GOT1: variants seen among roughly 807,000 people sequenced by gnomAD.
The protein encoded by GOT1 is glutamic-oxaloacetic transaminase 1.
In GOT1, 25 loss-of-function variants were observed where a neutral mutation model predicts 48.2. The ratio of observed to expected loss-of-function variants is 0.52; its 90% CI spans 0.38 to 0.72. The LOEUF (loss-of-function observed/expected upper bound fraction) is 0.72, where lower values mean the gene tolerates loss of function less well. Ranked by LOEUF, GOT1 falls within the 30% of genes least tolerant of loss-of-function variation. The pLI is 0.00. For synonymous variants in GOT1, 188 were observed against 193.8 expected (o/e 0.97, Z 0.25); for missense variants, 380 against 520.1 (o/e 0.73, Z 2.62).
chr10:99,423,437 A>G (rs1258698941), intron 1 of GOT1, among the ~76,000 whole-genome samples: 1 of 152,198 alleles, frequency 6.6e-6, no homozygotes, highest in Non-Finnish European at 1.5e-5. Context: ...CAGTAAAAAG[A>G]CTTTATAAGA....
intron 7 of GOT1, among the ~76,000 whole-genome samples, chr10:99,403,266 C>G (rs2032707152): frequency 6.6e-6 from 1 of 152,048 alleles, no homozygotes; most frequent in South Asian, 2.1e-4. Flanking sequence ...ATCGAGTGCC[C>G]CCTCCTGTCT....
At chr10:99,429,278 G>A (rs146174878) in intron 1 of GOT1, among the ~76,000 whole-genome samples, 2 of 151,522 alleles carry the variant, frequency 1.3e-5, no homozygotes, top group South Asian at 2.1e-4. Flanking sequence ...CTCATCTCCT[G>A]ACCTCGTGAT....
chr10:99,402,156 T>C (rs2032689118), intron 8 of GOT1, among the ~76,000 whole-genome samples: 1 of 152,180 alleles, frequency 6.6e-6, no homozygotes, highest in Non-Finnish European at 1.5e-5. Flanking sequence ...TGTAATCTCT[T>C]TTTGAGGATA....
At chr10:99,421,731 G>C (rs559416754) in intron 1 of GOT1, among the ~76,000 whole-genome samples, 1 of 152,182 alleles carries the variant, frequency 6.6e-6, no homozygotes, top group African/African-American at 2.4e-5. Context: ...TTCCTGGCAG[G>C]GGTCATTTGC....
chr10:99,413,697 C>T (rs1189867658), intron 2 of GOT1, among the ~76,000 whole-genome samples: 3 of 152,158 alleles, frequency 2.0e-5, no homozygotes, highest in Non-Finnish European at 4.4e-5. Flanking sequence ...AAAGAAAGGT[C>T]GGGTTACCCA....
intron 1 of GOT1, among the ~76,000 whole-genome samples, chr10:99,426,275 C>T (rs1293641947): frequency 2.6e-5 from 4 of 152,134 alleles, no homozygotes; most frequent in Non-Finnish European, 4.4e-5. Flanking sequence ...GGGAGTCACA[C>T]AGTCTACAGG....
chr10:99,411,211 A>T (rs956223235), intron 2 of GOT1, among the ~76,000 whole-genome samples: 3 of 152,250 alleles, frequency 2.0e-5, no homozygotes, highest in Admixed American at 6.5e-5. Context: ...GTGGGATGTC[A>T]TGATGTGACA....
chr10:99,419,781 T>C (rs974276126), intron 2 of GOT1, among the ~76,000 whole-genome samples: 22 of 152,172 alleles, frequency 1.4e-4, no homozygotes, highest in African/African-American at 4.3e-4. Context: ...AGAACCAGTG[T>C]CCCGGCCTCG....
chr10:99,405,065 C>T (rs2032736121), intron 5 of GOT1, among the ~76,000 whole-genome samples: 1 of 152,174 alleles, frequency 6.6e-6, no homozygotes, highest in Admixed American at 6.5e-5. Context: ...CACAGCATCA[C>T]AGCTGCCTTA....
intron 2 of GOT1, chr10:99,420,295 A>G (rs1258376712): frequency 8.8e-6 from 2 of 226,450 alleles, no homozygotes; most frequent in Non-Finnish European, 1.7e-5. Flanking sequence ...TGACTTGCCT[A>G]TGATCAAAAG....
intron 2 of GOT1, among the ~76,000 whole-genome samples, chr10:99,412,144 G>A (rs919707275): frequency 6.6e-6 from 1 of 152,124 alleles, no homozygotes; most frequent in African/African-American, 2.4e-5. Context: ...CCAGGCAAAG[G>A]TTCTTAGTCT....
chr10:99,408,016 G>A (rs1331495717), intron 2 of GOT1, among the ~76,000 whole-genome samples: 8 of 151,810 alleles, frequency 5.3e-5, no homozygotes, highest in African/African-American at 7.2e-5. Context: ...CTGTGTCCAC[G>A]TGTTCTCATT....
rs190606134 is a variant in GOT1, at chr10:99,418,691, C to T, written c.300+1933G>A. Among the ~76,000 whole-genome samples, 9 of 152,002 alleles carry T rather than the reference C, an allele frequency of 5.9e-5. No individual in the cohort carries two copies. In the East Asian group the frequency reaches 7.8e-4, roughly 13 times the overall value. On this transcript the variant is annotated intron_variant, in intron 2 of 8. Coordinates refer to ENST00000370508, the MANE Select transcript of GOT1 (RefSeq NM_002079.3). ...TAATTTTTGTATTTCCTTGTAGAAACGGGTTTTTGCCATGTTACCCAGGCT... is the reference window on the plus strand; with the variant it reads ...TAATTTTTGTATTTCCTTGTAGAAATGGGTTTTTGCCATGTTACCCAGGCT...
Position 99,430,615 on chromosome 10 carries a change from G to T in GOT1, c.-50C>A. 1.4e-6 allele frequency: 2 copies of T among 1,477,562 alleles called. No homozygotes were observed. The highest frequency in any genetic ancestry group is 1.3e-5 in the South Asian group (1 of 78,448). The allele number at this position is 1,477,562 out of a possible 1,614,324, so 91.5% of individuals were successfully genotyped here. ...TTTCACCCCACGCCCGGAGCTGGCA[G>T]GTCAGGTCTGGCCGTTGCGACTGGA... On this transcript the variant is annotated 5_prime_UTR_variant, in exon 1 of 9. It adds an upstream start codon to the 5' untranslated region. Transcript: ENST00000370508.
At chr10:99,416,832 G>C (rs2032901417) in intron 2 of GOT1, among the ~76,000 whole-genome samples, 1 of 152,178 alleles carries the variant, frequency 6.6e-6, no homozygotes, top group African/African-American at 2.4e-5. Flanking sequence ...ATGGGGAAAG[G>C]ATTCCCTATT....
chr10:99,420,140 A>G (rs1482801355), intron 2 of GOT1: 1 of 154,286 alleles, frequency 6.5e-6, no homozygotes, highest in Non-Finnish European at 1.4e-5. Context: ...CTCCCAAGAA[A>G]TAAGTACACA....
At chr10:99,426,229 C>A (rs2033036422) in intron 1 of GOT1, among the ~76,000 whole-genome samples, 1 of 152,134 alleles carries the variant, frequency 6.6e-6, no homozygotes, top group Non-Finnish European at 1.5e-5. Context: ...AGCTCCATGC[C>A]CCACTGCTCT....
intron 2 of GOT1, among the ~76,000 whole-genome samples, chr10:99,413,908 C>T (rs2032859869): frequency 1.3e-5 from 2 of 152,230 alleles, no homozygotes; most frequent in South Asian, 2.1e-4. Flanking sequence ...TTTGTCACCA[C>T]GAGGCCTGCC....
intron 2 of GOT1, among the ~76,000 whole-genome samples, chr10:99,417,120 A>G (rs1210013936): frequency 6.6e-6 from 1 of 152,258 alleles, no homozygotes; most frequent in East Asian, 1.9e-4. Flanking sequence ...AGCAAAAGAA[A>G]CTACCATCAG....
Sources: gnomAD v4.1 joint callset for allele counts (sites outside exome capture counted in the v4.1 genomes callset) on GRCh38, gnomAD v4.1.1 for gene constraint, MANE v1.5 for transcripts, NCBI Gene and HGNC (gene_info 2026-07-23, HGNC 2026-07-21) for gene names.